Variants in PIK3AP1 observed in about 807,000 individuals in gnomAD.
PIK3AP1 encodes phosphoinositide 3-kinase adapter protein 1.
Under a neutral mutation model 88.1 loss-of-function variants are expected in PIK3AP1, and 21 were observed. That is an observed-to-expected ratio of 0.24 (90% confidence interval 0.17 to 0.34). The LOEUF is 0.34. Among genes scored for constraint, PIK3AP1 ranks in the 10% least tolerant of loss-of-function variants. The pLI is 1.00. For missense variants in PIK3AP1, 828 were observed against 1,035.7 expected, an observed-to-expected ratio of 0.80 and a Z score of 2.75; for synonymous variants, 398 against 400.0, an observed-to-expected ratio of 1.00 and a Z score of 0.06.
intron 2 of PIK3AP1, among the ~76,000 whole-genome samples, chr10:96,677,666 A>C (rs1489891250): frequency 6.6e-6 from 1 of 151,084 alleles, no homozygotes; most frequent in Non-Finnish European, 1.5e-5. Flanking sequence ...ATCTCCAACA[A>C]ACACAGTTTG....
At chr10:96,638,778 C>G (rs1843347547) in intron 8 of PIK3AP1, among the ~76,000 whole-genome samples, 1 of 152,180 alleles carries the variant, frequency 6.6e-6, no homozygotes, top group South Asian at 2.1e-4. Flanking sequence ...TTTTCCTCCA[C>G]AGCACTGTCA....
At chr10:96,678,443 T>C (rs1482318306) in intron 2 of PIK3AP1, among the ~76,000 whole-genome samples, 1 of 151,630 alleles carries the variant, frequency 6.6e-6, no homozygotes, top group Non-Finnish European at 1.5e-5. Context: ...TCAAAAAAAA[T>C]TTTTTTTGTA....
chr10:96,636,145 AG>A (rs1479701527), intron 8 of PIK3AP1, among the ~76,000 whole-genome samples: 1 of 152,300 alleles, frequency 6.6e-6, no homozygotes, highest in African/African-American at 2.4e-5. Context: ...TGAACCCGGG[AG>A]GCAGAGGTTG....
At chr10:96,641,350 CCAA>C (rs1375547882) in intron 8 of PIK3AP1, among the ~76,000 whole-genome samples, 1 of 152,154 alleles carries the variant, frequency 6.6e-6, no homozygotes, top group Non-Finnish European at 1.5e-5. Context: ...AAGATTTGTC[CCAA>C]CAACAGTTAG....
chr10:96,644,092 C>T (rs994043991), intron 8 of PIK3AP1, among the ~76,000 whole-genome samples: 2 of 152,174 alleles, frequency 1.3e-5, no homozygotes, highest in Non-Finnish European at 2.9e-5. Context: ...CACTGTTACC[C>T]AGATCAGCGG....
intron 2 of PIK3AP1, among the ~76,000 whole-genome samples, chr10:96,688,139 A>G (rs902269619): frequency 6.6e-6 from 1 of 152,144 alleles, no homozygotes; most frequent in Non-Finnish European, 1.5e-5. Context: ...ACCCACCCAC[A>G]AGCACCTCAT....
At chr10:96,649,911 G>A (rs759817480) in intron 6 of PIK3AP1, among the ~76,000 whole-genome samples, 25 of 152,316 alleles carry the variant, frequency 1.6e-4, no homozygotes, top group Non-Finnish European at 2.9e-4. Flanking sequence ...AAATGGACAT[G>A]TTTGTGTTTG....
At chr10:96,600,896 G>A (rs1057170587) in intron 16 of PIK3AP1, among the ~76,000 whole-genome samples, 1 of 152,156 alleles carries the variant, frequency 6.6e-6, no homozygotes. Context: ...TTCTGCATCT[G>A]TGGACACACA....
chr10:96,650,932 T>A lies in PIK3AP1; in HGVS notation c.988+316A>T, dbSNP rs145735024. 7.8e-4 allele frequency among the ~76,000 whole-genome samples: 119 copies of A among 152,366 alleles called. 2 individuals carry two copies. The East Asian group carries it at 0.019, about 24-fold the overall frequency. On this transcript the variant is annotated intron_variant, in intron 6 of 16. Transcript: ENST00000339364. ...CTCCCCTGACAGTACTTAGCTTACC[T>A]GTTCCTCATGCTATCCCTATGAGGA...
At chr10:96,716,617 C>G (rs539579819) in intron 1 of PIK3AP1, among the ~76,000 whole-genome samples, 1 of 152,336 alleles carries the variant, frequency 6.6e-6, no homozygotes, top group South Asian at 2.1e-4. Context: ...CAATATAGGA[C>G]TAAATGCTTT....
At chr10:96,626,946 C>A (rs1843162997) in intron 9 of PIK3AP1, 41 bp from the exon 10 acceptor site, 3 of 1,548,746 alleles carry the variant, frequency 1.9e-6, no homozygotes, top group Non-Finnish European at 2.7e-6. Flanking sequence ...AGTGGCCAAA[C>A]AAACTGGGTG....
intron 2 of PIK3AP1, among the ~76,000 whole-genome samples, chr10:96,698,900 C>T (rs1214000711): frequency 2.0e-5 from 3 of 151,772 alleles, no homozygotes; most frequent in Non-Finnish European, 2.9e-5. Context: ...ATATTAGGCC[C>T]GGCGTAGTGG....
chr10:96,647,012 C>T (rs941819326), intron 7 of PIK3AP1, among the ~76,000 whole-genome samples: 6 of 152,098 alleles, frequency 3.9e-5, no homozygotes, highest in Non-Finnish European at 7.4e-5. Context: ...TTGGAGATTC[C>T]AGATCTCACC....
intron 2 of PIK3AP1, among the ~76,000 whole-genome samples, chr10:96,683,953 T>C (rs956940769): frequency 6.6e-6 from 1 of 152,214 alleles, no homozygotes; most frequent in Non-Finnish European, 1.5e-5. Flanking sequence ...GTCTGGACAC[T>C]TGAATTAGAC....
At chr10:96,597,372 CTCTCTT>C (rs1848790490) in intron 16 of PIK3AP1, among the ~76,000 whole-genome samples, 1 of 18,780 alleles carries the variant, frequency 5.3e-5, no homozygotes, top group African/African-American at 9.3e-5. Flanking sequence ...CTCTCTCTCT[CTCTCTT>C]TCTTTCTTTC....
intron 12 of PIK3AP1, among the ~76,000 whole-genome samples, chr10:96,619,031 G>A (rs1465684539): frequency 6.6e-6 from 1 of 152,230 alleles, no homozygotes; most frequent in East Asian, 1.9e-4. Flanking sequence ...ATAGTGAAGG[G>A]AGCACAGGCT....
At chr10:96,693,529 T>G (rs1339157668) in intron 2 of PIK3AP1, among the ~76,000 whole-genome samples, 1 of 152,234 alleles carries the variant, frequency 6.6e-6, no homozygotes, top group Non-Finnish European at 1.5e-5. Flanking sequence ...CTTCTCCAGA[T>G]AAGCTGACAA....
intron 2 of PIK3AP1, among the ~76,000 whole-genome samples, chr10:96,694,154 C>A (rs528660626): frequency 6.6e-6 from 1 of 152,136 alleles, no homozygotes; most frequent in Non-Finnish European, 1.5e-5. Context: ...AGGGAGCATC[C>A]TTCATACCTC....
At position 96,709,877 on chromosome 10, in the gene PIK3AP1, C is replaced by T; in HGVS notation, c.120G>A (p.Gln40=). 1 of 1,613,824 alleles carries T rather than the reference C, an allele frequency of 6.2e-7. No homozygotes were observed. Reference sequence around the variant, plus strand: ...GGCCCAGCCTGTGAGTCAGTATCTTCTGGCTGCGGACCTGCCGACTGGACA... The same window carrying T: ...GGCCCAGCCTGTGAGTCAGTATCTTTTGGCTGCGGACCTGCCGACTGGACA... ...LFLSSRQVRS[Q]KILTHRLGPE... Residue 40 remains glutamine (Q), a synonymous_variant, in exon 2 of 17, where the codon CAG becomes CAA. Transcript: ENST00000339364.
Sources: allele counts gnomAD v4.1 joint callset (sites outside exome capture counted in the v4.1 genomes callset), GRCh38; gene constraint gnomAD v4.1.1; transcripts MANE v1.5; gene names NCBI Gene and HGNC (gene_info 2026-07-23, HGNC 2026-07-21).